Variants in MAP2K5 observed in about 807,000 individuals in gnomAD.
MAP2K5 encodes the protein mitogen-activated protein kinase kinase 5.
MAP2K5 carries 49 observed loss-of-function variants against 83.1 expected under a neutral mutation model. That is an observed-to-expected ratio of 0.59 (90% confidence interval 0.47 to 0.75). MAP2K5 has a LOEUF of 0.75. MAP2K5 is among the 30% of genes least tolerant of loss of function. MAP2K5 has a pLI of 0.00. For missense variants in MAP2K5, 457 were observed against 557.5 expected (o/e 0.82, Z 1.82); for synonymous variants, 202 against 191.8 (o/e 1.05, Z -0.44).
chr15:67,546,921 G>A (rs886760519), intron 1 of MAP2K5, among the ~76,000 whole-genome samples: 3 of 152,038 alleles, frequency 2.0e-5, no homozygotes, highest in African/African-American at 4.8e-5. Context: ...AAAAATTAGT[G>A]GGGGCTTGGT....
intron 13 of MAP2K5, among the ~76,000 whole-genome samples, chr15:67,678,084 G>A (rs188024925): frequency 3.9e-5 from 6 of 152,348 alleles, no homozygotes. Context: ...GTGCACAGAT[G>A]AATTTGTAAT....
In MAP2K5 at chr15:67,722,351, CT is replaced by C. The variant is rs200075045; in HGVS notation, c.1045-5550del. 0.19 allele frequency among the ~76,000 whole-genome samples: 26,349 copies of C among 141,230 alleles called. 2,844 individuals are homozygous for C. Among genetic ancestry groups the C allele is most frequent in the African/African-American group, 0.34 (13,170 of 38,912 alleles). 92.7% of individuals were successfully genotyped at this position (141,230 alleles called of 152,430 possible). A position where few individuals can be genotyped will look rare whatever the true frequency, so the allele number is the denominator to read the frequency against. On this transcript the variant is annotated intron_variant, in intron 16 of 21. Transcript: ENST00000178640. The surrounding 1 kb of genome is among the most constrained non-coding windows in gnomAD (Gnocchi z 4.2). The stretch of plus-strand genomic sequence containing the variant: ...CAGAAGATTAAATTAATTTGTAACT[CT>C]TTTTTTTTTTTTTTGGTCCTGCATT...
At chr15:67,664,148 C>T (rs182570261) in intron 12 of MAP2K5, among the ~76,000 whole-genome samples, 124 of 152,018 alleles carry the variant, frequency 8.2e-4, no homozygotes, top group African/African-American at 2.9e-3. Flanking sequence ...CACAAAGCCT[C>T]ACACAGAAAT....
intron 7 of MAP2K5, among the ~76,000 whole-genome samples, chr15:67,598,537 C>G (rs959044861): frequency 6.6e-6 from 1 of 152,182 alleles, no homozygotes; most frequent in Non-Finnish European, 1.5e-5. Context: ...ACTCCTTCCC[C>G]GCCTGTGCCC....
chr15:67,806,635 C>A lies in MAP2K5; in HGVS notation c.1243-11C>A. ...GGACTGCCTGTCACAGCCTCCTCCT[C>A]TTCCCCGCAGGGCCACCCGTTCATC... On this transcript the variant is annotated splice_polypyrimidine_tract_variant and intron_variant, in intron 21 of 21. Coordinates refer to ENST00000178640, the MANE Select transcript of MAP2K5 (RefSeq NM_145160.3). 1 of 1,548,664 alleles carries A rather than the reference C, an allele frequency of 6.5e-7. No individual in the cohort carries two copies. The highest frequency in any genetic ancestry group is 8.7e-7 in the Non-Finnish European group (1 of 1,146,228).
chr15:67,804,720 T>G (rs2090768148), intron 21 of MAP2K5, among the ~76,000 whole-genome samples: 1 of 152,138 alleles, frequency 6.6e-6, no homozygotes, highest in African/African-American at 2.4e-5. Flanking sequence ...ACCCCGGGCG[T>G]GGGGGGAGGG....
In MAP2K5 at chr15:67,717,508, G is replaced by A. The variant is rs948784081; in HGVS notation, c.1045-10408G>A. On this transcript the variant is annotated intron_variant, in intron 16 of 21. Coordinates refer to ENST00000178640, the MANE Select transcript of MAP2K5 (RefSeq NM_145160.3). The surrounding 1 kb of genome is among the most constrained non-coding windows in gnomAD (Gnocchi z 4.1). ...AACATGTAGAACTGGGCACATGAGA[G>A]TGTGGGCTGACATGAGTGTCAGAGA... 1.3e-5 allele frequency among the ~76,000 whole-genome samples: 2 copies of A among 152,202 alleles called. No individual in the cohort carries two copies. Among genetic ancestry groups the A allele is most frequent in the African/African-American group, 2.4e-5 (1 of 41,452 alleles).
chr15:67,596,320 A>G (rs905324661), intron 7 of MAP2K5, among the ~76,000 whole-genome samples: 2 of 152,194 alleles, frequency 1.3e-5, no homozygotes, highest in African/African-American at 4.8e-5. Context: ...TGGCTGAGGC[A>G]TAAGAATAGC....
At chr15:67,805,161 G>C (rs753132535) in intron 21 of MAP2K5, among the ~76,000 whole-genome samples, 1 of 152,256 alleles carries the variant, frequency 6.6e-6, no homozygotes, top group Non-Finnish European at 1.5e-5. Context: ...CTTCGAAGCC[G>C]AGTTTCCTCC....
intron 3 of MAP2K5, among the ~76,000 whole-genome samples, chr15:67,579,911 C>A (rs1220278445): frequency 6.6e-6 from 1 of 152,150 alleles, no homozygotes; most frequent in Non-Finnish European, 1.5e-5. Flanking sequence ...TCTTTGACAG[C>A]CCCTCAAAAC....
chr15:67,673,953 A>T (rs944274783), intron 13 of MAP2K5, among the ~76,000 whole-genome samples: 3 of 152,050 alleles, frequency 2.0e-5, no homozygotes, highest in Non-Finnish European at 4.4e-5. Context: ...GGTTCAAACG[A>T]TTCTCCTGCC....
Position 67,793,814 on chromosome 15 carries a change from A to C in MAP2K5, c.1243-12832A>C, listed in dbSNP as rs777490044. ...AATATGATTATTTTGATCTTGAATC[A>C]GTAATTAAGGTGGACTTCAAACTGT... is the stretch of plus-strand genomic sequence containing the variant. On this transcript the variant is annotated intron_variant, in intron 21 of 21. Transcript: ENST00000178640. This position sits in a 1 kb window ranked among gnomAD's most constrained non-coding sequence, Gnocchi z 4.6. 6.2e-4 allele frequency among the ~76,000 whole-genome samples: 95 copies of C among 152,362 alleles called. No homozygotes were observed. The highest frequency in any genetic ancestry group is 2.0e-3 in the Admixed American group (31 of 15,308).
intron 9 of MAP2K5, among the ~76,000 whole-genome samples, chr15:67,641,157 T>G (rs1202386486): frequency 1.3e-5 from 2 of 152,238 alleles, no homozygotes. Flanking sequence ...TTCCCACTAT[T>G]GTTTGTTTTC....
intron 6 of MAP2K5, 141 bp from the exon 7 acceptor site, chr15:67,592,785 A>G (rs2085441800): frequency 1.5e-6 from 1 of 649,216 alleles, no homozygotes; most frequent in Non-Finnish European, 2.7e-6. Flanking sequence ...TACTTTTGAA[A>G]AAAATTTACA....
chr15:67,667,725 T>G (rs1339718621), intron 13 of MAP2K5, among the ~76,000 whole-genome samples: 1 of 152,208 alleles, frequency 6.6e-6, no homozygotes, highest in African/African-American at 2.4e-5. Context: ...ATGTGTTCAG[T>G]ATCTAATGAG....
rs1319125922 is a variant in MAP2K5 at position 67,790,147 on chromosome 15, G to T, written c.1243-16499G>T. On this transcript the variant is annotated intron_variant, in intron 21 of 21. Transcript: ENST00000178640. The surrounding 1 kb of genome is among the most constrained non-coding windows in gnomAD (Gnocchi z 4.6). ...GCTTGGAAATTGCAAGGCAGAGCTG[G>T]ATTGAACTTCCTTTAAAGCAGCCTG... Among the ~76,000 whole-genome samples the T allele has an allele frequency of 2.0e-5, 3 of 152,194 alleles. No individual in the cohort carries two copies.
At chr15:67,630,861 T>C in intron 8 of MAP2K5, 27 bp from the exon 9 acceptor site, 1 of 1,594,428 alleles carries the variant, frequency 6.3e-7, no homozygotes, top group Non-Finnish European at 8.6e-7. Context: ...TGATCCCAAA[T>C]GATTTTGTTT....
Position 67,749,604 on chromosome 15 carries a change from C to T in MAP2K5, c.1134+1003C>T, listed in dbSNP as rs939192924. Among the ~76,000 whole-genome samples, 1 of 152,026 alleles carries T rather than the reference C, an allele frequency of 6.6e-6. No individual in the cohort carries two copies. Among genetic ancestry groups the T allele is most frequent in the Non-Finnish European group, 1.5e-5 (1 of 67,998 alleles). ...AAAATAAACACACACACACATATCACAATAATAGTAAGAGTGGGGCTCTAA... is the reference window on the plus strand; with the variant it reads ...AAAATAAACACACACACACATATCATAATAATAGTAAGAGTGGGGCTCTAA... On this transcript the variant is annotated intron_variant, in intron 19 of 21. Coordinates refer to ENST00000178640, the MANE Select transcript of MAP2K5 (RefSeq NM_145160.3). This position sits in a 1 kb window ranked among gnomAD's most constrained non-coding sequence, Gnocchi z 4.6.
chr15:67,737,289 C>T (rs2089362881), intron 17 of MAP2K5, among the ~76,000 whole-genome samples: 1 of 152,148 alleles, frequency 6.6e-6, no homozygotes, highest in South Asian at 2.1e-4. Flanking sequence ...CAGACAAAGA[C>T]ATCAACTTTT....
Sources: gnomAD v4.1 joint callset for allele counts (sites outside exome capture counted in the v4.1 genomes callset) on GRCh38, gnomAD v4.1.1 for gene constraint, Gnocchi (gnomAD v3.1) non-coding constraint, MANE v1.5 for transcripts, NCBI Gene and HGNC (gene_info 2026-07-23, HGNC 2026-07-21) for gene names.